The following RAD51D variants were observed in gnomAD, a reference collection of about 807,000 sequenced individuals.
The protein encoded by RAD51D is RAD51 paralog D.
A neutral mutation model predicts 44.1 loss-of-function variants in RAD51D; 38 were observed. The observed-to-expected ratio is 0.86, with a 90% CI of 0.67 to 1.13. RAD51D has a LOEUF of 1.13. RAD51D is among the 50% of genes most tolerant of loss of function. RAD51D has a pLI of 0.00. For synonymous variants in RAD51D, 141 were observed against 166.6 expected (o/e 0.85, Z 1.18); for missense variants, 390 against 414.0 (o/e 0.94, Z 0.50).
chr17:35,101,495 A>G, intron 8 of RAD51D, 130 bp from the exon 9 acceptor site: 1 of 1,011,948 alleles, frequency 9.9e-7, no homozygotes, highest in Non-Finnish European at 1.5e-6. Context: ...TACAAAACCT[A>G]ATGGCAGGTC....
At position 35,103,516 on chromosome 17, in the gene RAD51D, ACCTTC is replaced by A; in HGVS notation, c.600_604del (p.Lys201GlyfsTer124). 2 of 1,614,094 alleles carry A rather than the reference ACCTTC, an allele frequency of 1.2e-6. No homozygotes were observed. Among genetic ancestry groups the A allele is most frequent in the Middle Eastern group, 1.7e-4 (1 of 6,060 alleles). Reference sequence around the variant, plus strand: ...CGCAGTGACCGAGTCCACAACCACCACCTTCACAGTTCCTGAAGAACCAGTCACCT... The same window carrying A: ...CGCAGTGACCGAGTCCACAACCACCAACAGTTCCTGAAGAACCAGTCACCT... On this transcript the variant is annotated frameshift_variant, in exon 7 of 10. Coordinates refer to ENST00000345365, the MANE Select transcript of RAD51D (RefSeq NM_002878.4). LOFTEE classifies it high-confidence loss of function. The surrounding 1 kb of genome is among the most constrained non-coding windows in gnomAD (Gnocchi z 4.1).
chr17:35,112,674 G>A (rs1241738447), intron 3 of RAD51D, among the ~76,000 whole-genome samples: 8 of 152,316 alleles, frequency 5.3e-5, no homozygotes, highest in South Asian at 2.1e-4. Flanking sequence ...CACTGCGGCC[G>A]GCCAATAAAT....
At chr17:35,107,500 GA>G in intron 3 of RAD51D, 53 bp from the exon 4 acceptor site, 2 of 1,371,422 alleles carry the variant, frequency 1.5e-6, no homozygotes, top group Non-Finnish European at 2.1e-6. Flanking sequence ...GAAGACAGGG[GA>G]AAAGGTACCA....
chr17:35,097,457 A>G lies in RAD51D; in HGVS notation c.*3496T>C, dbSNP rs1018552774. On this transcript the variant is annotated 3_prime_UTR_variant, in exon 10 of 10. Transcript: ENST00000345365. ...TATGTGTGTATATATATGTGTGTAT[A>G]TATATATATGTGTGTATATATATGT... The G allele has an allele frequency of 3.3e-5, 5 of 149,436 alleles. No homozygotes were observed. Among genetic ancestry groups the G allele is most frequent in the East Asian group, 2.0e-4 (1 of 5,076 alleles). The allele number at this position is 149,436 out of a possible 1,614,324, so 9.3% of individuals were successfully genotyped here. A position where few individuals can be genotyped will look rare whatever the true frequency, so the allele number is the denominator to read the frequency against.
Position 35,119,625 on chromosome 17 carries a change from G to A in RAD51D, c.-12C>T. The A allele has an allele frequency of 1.2e-6, 2 of 1,609,394 alleles. No homozygotes were observed. The highest frequency in any genetic ancestry group is 1.7e-6 in the Non-Finnish European group (2 of 1,179,882). On this transcript the variant is annotated 5_prime_UTR_variant, in exon 1 of 10. Transcript: ENST00000345365. ...CTGAGCACGCCCATGTTCCCCGCAGGCCGGAACAGCCCCAGGGGGACTGCA... is the reference window on the plus strand; with the variant it reads ...CTGAGCACGCCCATGTTCCCCGCAGACCGGAACAGCCCCAGGGGGACTGCA...
rs876658297 is a variant in RAD51D at position 35,107,107 on chromosome 17, CCATA to C, written c.357_360del (p.Cys119TrpfsTer16). On this transcript the variant is annotated frameshift_variant, in exon 5 of 10. Transcript: ENST00000345365. LOFTEE classifies it high-confidence loss of function. ...TGCAGGCCATGGGCCACATTTGCTGCCATACAGAGACATACCTGGGGGTGGGGGC... is the reference window on the plus strand; with the variant it reads ...TGCAGGCCATGGGCCACATTTGCTGCCAGAGACATACCTGGGGGTGGGGGC... 6.2e-7 allele frequency: 1 copy of C among 1,613,914 alleles called. No individual in the cohort carries two copies. Among genetic ancestry groups the C allele is most frequent in the Non-Finnish European group, 8.5e-7 (1 of 1,180,022 alleles).
rs114546652 is a variant in RAD51D at position 35,097,668 on chromosome 17, T to A, written c.*3285A>T. On this transcript the variant is annotated 3_prime_UTR_variant, in exon 10 of 10. Transcript: ENST00000345365. ...AGATAGAGCCAGTCCTTTGCTTTTT[T>A]AAAATATATTTTTAAAACATCATTC... The A allele has an allele frequency of 4.7e-3, 713 of 152,290 alleles. 6 individuals are homozygous for A. Among genetic ancestry groups the A allele is most frequent in the African/African-American group, 0.016 (675 of 41,548 alleles). 9.4% of individuals were successfully genotyped at this position (152,290 alleles called of 1,614,324 possible).
At chr17:35,104,211 T>C (rs1053330836) in intron 6 of RAD51D, among the ~76,000 whole-genome samples, 1 of 152,216 alleles carries the variant, frequency 6.6e-6, no homozygotes, top group Non-Finnish European at 1.5e-5. Flanking sequence ...CCTCCCACCA[T>C]GGTGGTAAGG....
In RAD51D at chr17:35,118,560, G is replaced by A. The variant is rs764351040; in HGVS notation, c.204C>T (p.Gly68=). Residue 68 remains glycine (G), a synonymous_variant, in exon 3 of 10, where the codon GGC becomes GGT. Coordinates refer to ENST00000345365, the MANE Select transcript of RAD51D (RefSeq NM_002878.4). ...TCTTCAGTTCCTCGTAGAGATCAGC[G>A]CCATTCACGGGGAAAGCCGAGAACT... The part of the protein sequence containing the change: ...LAQFSAFPVN[G]ADLYEELKTS... 2.5e-6 allele frequency: 4 copies of A among 1,614,020 alleles called. No homozygotes were observed. Among genetic ancestry groups the A allele is most frequent in the Admixed American group, 1.7e-5 (1 of 59,994 alleles).
intron 3 of RAD51D, among the ~76,000 whole-genome samples, chr17:35,108,073 T>C (rs925520939): frequency 1.3e-5 from 2 of 151,412 alleles, no homozygotes; most frequent in Non-Finnish European, 2.9e-5. Flanking sequence ...CTTGATAGCG[T>C]TTCCCAAAAT....
At position 35,101,103 on chromosome 17, in the gene RAD51D, G is replaced by T; in HGVS notation, c.904-67C>A. On this transcript the variant is annotated intron_variant, in intron 9 of 9. Coordinates refer to ENST00000345365, the MANE Select transcript of RAD51D (RefSeq NM_002878.4). ...AGTGGGTAGCTTCTTTAGTTGCAAG[G>T]TTTCAGCCTCTAAAGAGTTCTTCTC... The T allele has an allele frequency of 1.9e-6, 3 of 1,604,462 alleles. No homozygotes were observed. The Admixed American group carries it at 5.0e-5, about 27-fold the overall frequency.
intron 3 of RAD51D, among the ~76,000 whole-genome samples, chr17:35,112,188 G>A (rs904295983): frequency 6.6e-6 from 1 of 151,986 alleles, no homozygotes; most frequent in Non-Finnish European, 1.5e-5. Flanking sequence ...CGTCATTCTC[G>A]TGCCTCAGCC....
At chr17:35,107,533 T>TTC in intron 3 of RAD51D, 86 bp from the exon 4 acceptor site, 1 of 1,073,068 alleles carries the variant, frequency 9.3e-7, no homozygotes, top group Non-Finnish European at 1.4e-6. Flanking sequence ...AAGACATTTC[T>TTC]TTCAAGCACT....
chr17:35,106,865 T>C (rs1420950541), intron 5 of RAD51D, 123 bp downstream of exon 5: 6 of 1,424,468 alleles, frequency 4.2e-6, no homozygotes, highest in African/African-American at 2.8e-5. Flanking sequence ...ATACGAGATG[T>C]ATTAATAGAA....
rs974202257 is a variant in RAD51D, at chr17:35,119,256, G to A, written c.83-84C>T. The A allele has an allele frequency of 4.7e-6, 6 of 1,283,388 alleles. No individual in the cohort carries two copies. In the African/African-American group the frequency reaches 7.3e-5, roughly 16 times the overall value. 79.5% of individuals were successfully genotyped at this position (1,283,388 alleles called of 1,614,324 possible). On this transcript the variant is annotated intron_variant, in intron 1 of 9. Transcript: ENST00000345365. Reference sequence around the variant, plus strand: ...TTTTTCCTCATCTGTCAAATGGGGTGTCAATTCTACCCCCCGGCAGGCCGT... The same window carrying A: ...TTTTTCCTCATCTGTCAAATGGGGTATCAATTCTACCCCCCGGCAGGCCGT...
Position 35,103,237 on chromosome 17 carries a change from C to T in RAD51D, c.738+17G>A, listed in dbSNP as rs753635983. 15 of 1,601,138 alleles carry T rather than the reference C, an allele frequency of 9.4e-6. No homozygotes were observed. The highest frequency in any genetic ancestry group is 1.1e-5 in the Non-Finnish European group (13 of 1,174,492). ...ATAACTAGAAATCAAGTTCATTGGC[C>T]AAGCCTGCTTCCTCACCACCACTGC... On this transcript the variant is annotated intron_variant, in intron 8 of 9. Transcript: ENST00000345365. The surrounding 1 kb of genome is among the most constrained non-coding windows in gnomAD (Gnocchi z 4.1).
chr17:35,106,200 T>A (rs781309719), intron 6 of RAD51D, 186 bp downstream of exon 6: 1 of 737,072 alleles, frequency 1.4e-6, no homozygotes, highest in Admixed American at 1.7e-5. Context: ...GCAGGGAAGA[T>A]GAACATGTAA....
At chr17:35,108,370 A>G (rs1037974333) in intron 3 of RAD51D, among the ~76,000 whole-genome samples, 25 of 152,082 alleles carry the variant, frequency 1.6e-4, no homozygotes, top group Admixed American at 1.6e-3. Context: ...TAACAACTGT[A>G]CTACAAAATG....
At chr17:35,117,850 T>C (rs1436530966) in intron 3 of RAD51D, among the ~76,000 whole-genome samples, 1 of 152,154 alleles carries the variant, frequency 6.6e-6, no homozygotes, top group Non-Finnish European at 1.5e-5. Context: ...GCTGCAGATG[T>C]GGTGAATAAG....
Sources: gnomAD v4.1 joint callset for allele counts (sites outside exome capture counted in the v4.1 genomes callset) on GRCh38, gnomAD v4.1.1 for gene constraint, Gnocchi (gnomAD v3.1) non-coding constraint, MANE v1.5 for transcripts, NCBI Gene and HGNC (gene_info 2026-07-23, HGNC 2026-07-21) for gene names.